The following CALCR variants were observed in gnomAD, a reference collection of about 807,000 sequenced individuals.
CALCR encodes calcitonin receptor.
A neutral mutation model predicts 59.5 loss-of-function variants in CALCR; 47 were observed. The ratio of observed to expected loss-of-function variants is 0.79; its 90% CI spans 0.63 to 1.01. The LOEUF (loss-of-function observed/expected upper bound fraction) is 1.01, where lower values mean the gene tolerates loss of function less well. Ranked by LOEUF, CALCR falls within the 50% of genes least tolerant of loss-of-function variation. CALCR has a pLI of 0.00. For synonymous variants in CALCR, 213 were observed against 211.3 expected (o/e 1.01, Z -0.07); for missense variants, 566 against 597.1 (o/e 0.95, Z 0.54).
intron 13 of CALCR, among the ~76,000 whole-genome samples, chr7:93,429,968 GT>G: frequency 7.9e-6 from 1 of 127,224 alleles, no homozygotes; most frequent in African/African-American, 3.2e-5. Context: ...GAGTCTTGCT[GT>G]CTCCCAGGCT....
At chr7:93,428,633 T>A (rs1237296824) in intron 13 of CALCR, among the ~76,000 whole-genome samples, 4 of 152,082 alleles carry the variant, frequency 2.6e-5, no homozygotes, top group Non-Finnish European at 5.9e-5. Context: ...ACCCTGTCTC[T>A]ACTAAAAATA....
chr7:93,434,810 A>T (rs1271466019), intron 12 of CALCR, among the ~76,000 whole-genome samples: 1 of 152,164 alleles, frequency 6.6e-6, no homozygotes, highest in African/African-American at 2.4e-5. Context: ...CTGCTTGAAG[A>T]TTTCTTGTGC....
At chr7:93,553,482 CT>C (rs35990717) in intron 2 of CALCR, among the ~76,000 whole-genome samples, 252 of 148,170 alleles carry the variant, frequency 1.7e-3, no homozygotes, top group Non-Finnish European at 2.6e-3. Context: ...AAAACTTACC[CT>C]TTTTTTTTTG....
intron 2 of CALCR, among the ~76,000 whole-genome samples, chr7:93,497,667 C>T (rs1476515080): frequency 3.3e-5 from 5 of 151,550 alleles, no homozygotes; most frequent in African/African-American, 1.2e-4. Flanking sequence ...CCATATCATA[C>T]TTGTTCAATA....
intron 4 of CALCR, among the ~76,000 whole-genome samples, chr7:93,478,032 G>A (rs1316025703): frequency 7.2e-6 from 1 of 138,682 alleles, no homozygotes; most frequent in Non-Finnish European, 1.5e-5. Flanking sequence ...TTCTATAAAG[G>A]TATGTATTCA....
chr7:93,528,384 C>T (rs977515697), intron 2 of CALCR, among the ~76,000 whole-genome samples: 23 of 152,140 alleles, frequency 1.5e-4, no homozygotes, highest in Admixed American at 8.5e-4. Context: ...CCCATTAACT[C>T]GTCATTTACA....
chr7:93,570,812 T>G (rs1789985172), intron 2 of CALCR, among the ~76,000 whole-genome samples: 1 of 152,164 alleles, frequency 6.6e-6, no homozygotes, highest in African/African-American at 2.4e-5. Flanking sequence ...GATCCACTCT[T>G]TCTTCCCTGA....
intron 2 of CALCR, among the ~76,000 whole-genome samples, chr7:93,506,383 T>C (rs1308021587): frequency 1.3e-5 from 2 of 152,136 alleles, no homozygotes; most frequent in African/African-American, 2.4e-5. Flanking sequence ...CCTGCAGGTG[T>C]GTTTCTCATT....
intron 11 of CALCR, among the ~76,000 whole-genome samples, chr7:93,437,413 T>G (rs1799803256): frequency 6.6e-6 from 1 of 152,178 alleles, no homozygotes; most frequent in South Asian, 2.1e-4. Context: ...TTAGAGATTA[T>G]CTTCCAAAAG....
chr7:93,547,786 G>A (rs1330310004), intron 2 of CALCR, among the ~76,000 whole-genome samples: 1 of 152,148 alleles, frequency 6.6e-6, no homozygotes, highest in Non-Finnish European at 1.5e-5. Context: ...TTAATGGGCT[G>A]TTTCTGAATT....
intron 5 of CALCR, among the ~76,000 whole-genome samples, chr7:93,473,520 T>C (rs891903940): frequency 6.6e-6 from 1 of 150,874 alleles, no homozygotes; most frequent in African/African-American, 2.4e-5. Context: ...GAAAATAAGA[T>C]GATGTAAATG....
chr7:93,462,821 G>C (rs2115816740), intron 7 of CALCR, among the ~76,000 whole-genome samples: 1 of 151,900 alleles, frequency 6.6e-6, no homozygotes, highest in African/African-American at 2.4e-5. Context: ...TCTACCTCCA[G>C]CTTACTCTTT....
intron 7 of CALCR, among the ~76,000 whole-genome samples, chr7:93,466,068 G>A (rs1317045908): frequency 5.9e-5 from 9 of 151,810 alleles, no homozygotes; most frequent in African/African-American, 2.2e-4. Flanking sequence ...TCTCAGAAGT[G>A]GAGCTGGGTA....
intron 7 of CALCR, among the ~76,000 whole-genome samples, chr7:93,467,338 G>A (rs1800460838): frequency 6.6e-6 from 1 of 151,518 alleles, no homozygotes; most frequent in Non-Finnish European, 1.5e-5. Flanking sequence ...GTTTGCTTAT[G>A]TTATCATTTG....
At chr7:93,474,640 A>G (rs1384171815) in intron 5 of CALCR, among the ~76,000 whole-genome samples, 1 of 151,838 alleles carries the variant, frequency 6.6e-6, no homozygotes, top group Non-Finnish European at 1.5e-5. Context: ...AATCTGAGTT[A>G]TTCAGATACT....
At chr7:93,508,533 A>G (rs917554564) in intron 2 of CALCR, among the ~76,000 whole-genome samples, 6 of 152,192 alleles carry the variant, frequency 3.9e-5, no homozygotes, top group Non-Finnish European at 8.8e-5. Context: ...TTGAACTCTC[A>G]TGTAGCAAAT....
At chr7:93,522,128 A>T (rs767698981) in intron 2 of CALCR, among the ~76,000 whole-genome samples, 1 of 152,128 alleles carries the variant, frequency 6.6e-6, no homozygotes, top group South Asian at 2.1e-4. Flanking sequence ...TAAACACAGC[A>T]TGAGGCATAT....
intron 8 of CALCR, among the ~76,000 whole-genome samples, chr7:93,459,572 A>G (rs1485736803): frequency 1.3e-5 from 2 of 152,096 alleles, no homozygotes; most frequent in Non-Finnish European, 2.9e-5. Context: ...ATGATTTCCA[A>G]ACTTGGCAGC....
intron 2 of CALCR, among the ~76,000 whole-genome samples, chr7:93,503,987 A>G (rs1801375657): frequency 6.6e-6 from 1 of 152,174 alleles, no homozygotes; most frequent in South Asian, 2.1e-4. Context: ...AGAATGTCTG[A>G]TGGGCTTTCT....
Sources: allele counts gnomAD v4.1 joint callset (sites outside exome capture counted in the v4.1 genomes callset), GRCh38; gene constraint gnomAD v4.1.1; transcripts MANE v1.5; gene names NCBI Gene and HGNC (gene_info 2026-07-23, HGNC 2026-07-21).